The following ENTREP2 variants were observed in gnomAD, a reference collection of about 807,000 sequenced individuals.
The protein encoded by ENTREP2 is endosomal transmembrane epsin interactor 2, also known as protein ENTREP2.
the ENTREP2 span, among the ~76,000 whole-genome samples, chr15:29,422,523 G>C: frequency 1.3e-5 from 2 of 152,190 alleles, no homozygotes; most frequent in African/African-American, 2.4e-5. Flanking sequence ...AAGTCAGCAA[G>C]TTTGCGTGTT....
the ENTREP2 span, among the ~76,000 whole-genome samples, chr15:29,381,196 C>T: frequency 6.7e-6 from 1 of 148,716 alleles, no homozygotes; most frequent in Non-Finnish European, 1.5e-5. Flanking sequence ...GTGGCTCATG[C>T]CTGTAATCCC....
chr15:29,567,668 A>C, the ENTREP2 span, among the ~76,000 whole-genome samples: 52 of 152,278 alleles, frequency 3.4e-4, no homozygotes, highest in African/African-American at 1.2e-3. Flanking sequence ...AGAGGGAACC[A>C]CACAAAACCC....
the ENTREP2 span, among the ~76,000 whole-genome samples, chr15:29,657,226 TC>T: frequency 6.7e-6 from 1 of 149,882 alleles, no homozygotes; most frequent in African/African-American, 2.5e-5. Flanking sequence ...TTTTTTTTTT[TC>T]TTTTTGCATT....
chr15:29,137,209 C>T, the ENTREP2 span: 2 of 1,467,126 alleles, frequency 1.4e-6, no homozygotes, highest in South Asian at 2.9e-5. Context: ...AAAACAGAGA[C>T]AACCACAGAG....
the ENTREP2 span, among the ~76,000 whole-genome samples, chr15:29,334,453 C>T: frequency 5.3e-5 from 8 of 152,182 alleles, no homozygotes; most frequent in South Asian, 2.1e-4. Flanking sequence ...TCTTCCTCAT[C>T]GCAATCAATT....
At chr15:29,385,667 A>G in the ENTREP2 span, among the ~76,000 whole-genome samples, 2 of 152,260 alleles carry the variant, frequency 1.3e-5, no homozygotes, top group East Asian at 3.9e-4. Flanking sequence ...AAACCTGGCC[A>G]GGTGACTCTT....
the ENTREP2 span, among the ~76,000 whole-genome samples, chr15:29,211,571 T>C: frequency 6.6e-6 from 1 of 152,364 alleles, no homozygotes; most frequent in Non-Finnish European, 1.5e-5. Flanking sequence ...TCAGAGGGGA[T>C]GCTTTCAACT....
the ENTREP2 span, among the ~76,000 whole-genome samples, chr15:29,615,327 T>A: frequency 6.6e-6 from 1 of 152,100 alleles, no homozygotes. Context: ...GGCTAATTCT[T>A]GTATTTTTAA....
the ENTREP2 span, among the ~76,000 whole-genome samples, chr15:29,462,729 A>G: frequency 3.7e-4 from 56 of 152,286 alleles, 1 homozygote; most frequent in Admixed American, 2.4e-3. Flanking sequence ...CAACCTTTTC[A>G]GCAAAGCAAT....
the ENTREP2 span, among the ~76,000 whole-genome samples, chr15:29,255,455 T>C: frequency 6.6e-6 from 1 of 152,122 alleles, no homozygotes; most frequent in Non-Finnish European, 1.5e-5. Flanking sequence ...TGGAAAGCAA[T>C]GTGGAGATTT....
the ENTREP2 span, among the ~76,000 whole-genome samples, chr15:29,530,769 T>A: frequency 2.6e-5 from 4 of 152,226 alleles, no homozygotes; most frequent in Admixed American, 2.6e-4. Context: ...CTTTTTGGAA[T>A]CGTAAGTGAG....
chr15:29,124,730 G>C, the ENTREP2 span: 1 of 1,550,568 alleles, frequency 6.4e-7, no homozygotes, highest in South Asian at 1.2e-5. Flanking sequence ...CCAGGTCCTG[G>C]CTACACGACG....
the ENTREP2 span, chr15:29,123,153 C>T: frequency 2.0e-5 from 12 of 597,842 alleles, no homozygotes; most frequent in African/African-American, 1.3e-4. Context: ...AGACACTGCT[C>T]GGCTCCCCTC....
At chr15:29,662,415 T>C in the ENTREP2 span, among the ~76,000 whole-genome samples, 2 of 152,028 alleles carry the variant, frequency 1.3e-5, no homozygotes, top group Admixed American at 6.6e-5. Context: ...GTGAAGATTT[T>C]CCCCAAATAA....
the ENTREP2 span, among the ~76,000 whole-genome samples, chr15:29,281,841 A>G: frequency 4.6e-5 from 7 of 152,136 alleles, no homozygotes; most frequent in Non-Finnish European, 7.3e-5. Flanking sequence ...AACCCACTCC[A>G]CCTGTCTCTG....
the ENTREP2 span, among the ~76,000 whole-genome samples, chr15:29,475,754 T>C: frequency 6.6e-6 from 1 of 152,098 alleles, no homozygotes; most frequent in South Asian, 2.1e-4. Flanking sequence ...AGAAGCTAGT[T>C]AGCACCTCTG....
At chr15:29,156,987 C>T in the ENTREP2 span, among the ~76,000 whole-genome samples, 1 of 152,156 alleles carries the variant, frequency 6.6e-6, no homozygotes, top group African/African-American at 2.4e-5. Flanking sequence ...ATCCCAGCTA[C>T]TCAGGAGGCT....
the ENTREP2 span, among the ~76,000 whole-genome samples, chr15:29,478,364 A>G: frequency 6.6e-6 from 1 of 152,138 alleles, no homozygotes; most frequent in African/African-American, 2.4e-5. Context: ...CATTAAAAAT[A>G]TTATCCTTTC....
the ENTREP2 span, among the ~76,000 whole-genome samples, chr15:29,425,781 A>G: frequency 9.2e-5 from 14 of 152,044 alleles, no homozygotes; most frequent in Admixed American, 2.6e-4. Context: ...TATATCTAAT[A>G]AGTATATATC....
Sources: allele counts gnomAD v4.1 joint callset (sites outside exome capture counted in the v4.1 genomes callset), GRCh38; gene constraint gnomAD v4.1.1; transcripts MANE v1.5; gene names NCBI Gene and HGNC (gene_info 2026-07-23, HGNC 2026-07-21).